ZFAND6: variants seen among roughly 807,000 people sequenced by gnomAD.
ZFAND6 encodes the protein AN1-type zinc finger protein 6.
A neutral mutation model predicts 24.5 loss-of-function variants in ZFAND6; 12 were observed. The ratio of observed to expected loss-of-function variants is 0.49; its 90% CI spans 0.31 to 0.79. The LOEUF is 0.79. Among genes scored for constraint, ZFAND6 ranks in the 30% least tolerant of loss-of-function variants. The probability of loss-of-function intolerance (pLI) is 0.04; values close to 1 mark genes in which losing one functional copy is unlikely to be tolerated. For missense variants in ZFAND6, 207 were observed against 245.9 expected (o/e 0.84, Z 1.06); for synonymous variants, 92 against 81.5 (o/e 1.13, Z -0.69).
intron 1 of ZFAND6, among the ~76,000 whole-genome samples, chr15:80,065,506 C>G (rs2036574386): frequency 8.3e-6 from 1 of 120,906 alleles, no homozygotes; most frequent in Admixed American, 7.9e-5. Context: ...TTAGTTTATT[C>G]TTTTGGGGCT....
intron 1 of ZFAND6, among the ~76,000 whole-genome samples, chr15:80,068,170 A>C: frequency 6.8e-6 from 1 of 146,782 alleles, no homozygotes; most frequent in Non-Finnish European, 1.5e-5. Context: ...TTTTTGAGAC[A>C]TGGTGTTGCC....
chr15:80,101,227 C>T (rs2039011736), intron 2 of ZFAND6, among the ~76,000 whole-genome samples: 1 of 152,146 alleles, frequency 6.6e-6, no homozygotes, highest in Non-Finnish European at 1.5e-5. Flanking sequence ...CTTTGGGAGG[C>T]CAAGGCGGAT....
chr15:80,080,647 A>G (rs1395884066), intron 1 of ZFAND6, among the ~76,000 whole-genome samples: 1 of 152,216 alleles, frequency 6.6e-6, no homozygotes, highest in Non-Finnish European at 1.5e-5. Context: ...GCATTACTAT[A>G]CAGAAATACG....
chr15:80,097,549 T>A (rs1172970539), intron 1 of ZFAND6, among the ~76,000 whole-genome samples: 2 of 152,032 alleles, frequency 1.3e-5, no homozygotes, highest in Non-Finnish European at 2.9e-5. Context: ...CTCAGGTGAC[T>A]GAGGCAGGAG....
intron 1 of ZFAND6, among the ~76,000 whole-genome samples, chr15:80,068,090 T>TA (rs1308527834): frequency 6.6e-6 from 1 of 151,194 alleles, no homozygotes; most frequent in Admixed American, 6.6e-5. Flanking sequence ...GCTTCCCAAG[T>TA]AGCTGGGACT....
chr15:80,080,292 C>T (rs761066548), intron 1 of ZFAND6, among the ~76,000 whole-genome samples: 43 of 152,000 alleles, frequency 2.8e-4, no homozygotes, highest in Admixed American at 2.2e-3. Context: ...CCACTGCACC[C>T]GGCCTACACA....
At chr15:80,118,527 A>G (rs2040000701) in intron 2 of ZFAND6, among the ~76,000 whole-genome samples, 2 of 152,210 alleles carry the variant, frequency 1.3e-5, no homozygotes, top group East Asian at 1.9e-4. Context: ...GCATTTCTAT[A>G]CTGTGCTTGT....
chr15:80,088,643 T>C (rs74753015), intron 1 of ZFAND6, among the ~76,000 whole-genome samples: 1,894 of 152,354 alleles, frequency 0.012, 35 homozygotes, highest in African/African-American at 0.043. Context: ...GTGAGTTTTC[T>C]CAATTTCCTG....
intron 5 of ZFAND6, among the ~76,000 whole-genome samples, chr15:80,128,777 G>A (rs1235196678): frequency 3.3e-5 from 5 of 152,148 alleles, no homozygotes; most frequent in Non-Finnish European, 7.3e-5. Flanking sequence ...GACTGCATTT[G>A]CCTCAGTTAA....
chr15:80,131,715 A>C (rs772536287), intron 6 of ZFAND6, among the ~76,000 whole-genome samples: 1 of 152,252 alleles, frequency 6.6e-6, no homozygotes, highest in Non-Finnish European at 1.5e-5. Flanking sequence ...GCTGCCACAC[A>C]GTAAGTAATT....
chr15:80,086,153 C>T (rs962956189), intron 1 of ZFAND6, among the ~76,000 whole-genome samples: 14 of 152,202 alleles, frequency 9.2e-5, no homozygotes, highest in African/African-American at 3.4e-4. Context: ...ATTCTCCTGC[C>T]TCAGCCTCCC....
At chr15:80,119,585 TAA>T (rs139385200) in intron 2 of ZFAND6, among the ~76,000 whole-genome samples, 2 of 151,316 alleles carry the variant, frequency 1.3e-5, no homozygotes, top group African/African-American at 4.9e-5. Flanking sequence ...CATGCTTTTT[TAA>T]AAAAAAACTG....
chr15:80,094,266 T>A (rs2038572293), intron 1 of ZFAND6, among the ~76,000 whole-genome samples: 1 of 152,224 alleles, frequency 6.6e-6, no homozygotes, highest in African/African-American at 2.4e-5. Flanking sequence ...GAAACCTGGC[T>A]GCACAGCAGG....
intron 2 of ZFAND6, among the ~76,000 whole-genome samples, chr15:80,102,179 C>A (rs1014869150): frequency 1.3e-5 from 2 of 151,070 alleles, no homozygotes; most frequent in African/African-American, 4.9e-5. Flanking sequence ...GATGGAGTTT[C>A]ACTCTTGTTG....
intron 1 of ZFAND6, among the ~76,000 whole-genome samples, chr15:80,097,110 C>T (rs1211978734): frequency 1.3e-5 from 2 of 151,692 alleles, no homozygotes; most frequent in Admixed American, 6.6e-5. Context: ...AGTGATCCTC[C>T]TGCCTCAGCC....
chr15:80,111,546 A>G, intron 2 of ZFAND6: 1 of 456,066 alleles, frequency 2.2e-6, no homozygotes, highest in Non-Finnish European at 4.4e-6. Context: ...TGCAAACAAT[A>G]CAGTGGCCTC....
chr15:80,110,198 A>G (rs1417012584), intron 2 of ZFAND6, among the ~76,000 whole-genome samples: 1 of 152,202 alleles, frequency 6.6e-6, no homozygotes, highest in Non-Finnish European at 1.5e-5. Flanking sequence ...CTCCCAGACC[A>G]ACACTGATAA....
At chr15:80,087,035 A>T (rs1596230720) in intron 1 of ZFAND6, among the ~76,000 whole-genome samples, 2 of 152,252 alleles carry the variant, frequency 1.3e-5, no homozygotes, top group Non-Finnish European at 2.9e-5. Context: ...CTATATATAC[A>T]TACCACATTT....
intron 1 of ZFAND6, among the ~76,000 whole-genome samples, chr15:80,090,235 A>G (rs934319167): frequency 3.9e-5 from 6 of 152,272 alleles, no homozygotes; most frequent in Middle Eastern, 6.8e-3. Flanking sequence ...GATAGTACCT[A>G]AGTACTCAAG....
Sources: allele counts gnomAD v4.1 joint callset (sites outside exome capture counted in the v4.1 genomes callset), GRCh38; gene constraint gnomAD v4.1.1; transcripts MANE v1.5; gene names NCBI Gene and HGNC (gene_info 2026-07-23, HGNC 2026-07-21).